CFAP61: variants seen among roughly 807,000 people sequenced by gnomAD.
The protein encoded by CFAP61 is cilia and flagella associated protein 61, also known as cilia- and flagella-associated protein 61.
CFAP61 carries 107 observed loss-of-function variants against 135.6 expected under a neutral mutation model. That is an observed-to-expected ratio of 0.79 (90% confidence interval 0.67 to 0.93). The LOEUF is 0.93. CFAP61 is among the 40% of genes least tolerant of loss of function. CFAP61 has a pLI of 0.00. For missense variants in CFAP61, 1,507 were observed against 1,556.2 expected (o/e 0.97, Z 0.53); for synonymous variants, 575 against 578.5 (o/e 0.99, Z 0.09).
At chr20:20,202,834 C>A (rs1374548225) in intron 17 of CFAP61, among the ~76,000 whole-genome samples, 1 of 152,124 alleles carries the variant, frequency 6.6e-6, no homozygotes, top group Non-Finnish European at 1.5e-5. Flanking sequence ...CATATCATTT[C>A]TCTTGCTGGC....
At chr20:20,229,984 G>A (rs541131665) in intron 18 of CFAP61, among the ~76,000 whole-genome samples, 14 of 152,092 alleles carry the variant, frequency 9.2e-5, no homozygotes, top group East Asian at 1.9e-4. Context: ...AACCATTTTC[G>A]AATGATGAAT....
intron 26 of CFAP61, among the ~76,000 whole-genome samples, chr20:20,343,830 C>T (rs1364236684): frequency 6.6e-6 from 1 of 152,178 alleles, no homozygotes; most frequent in Non-Finnish European, 1.5e-5. Flanking sequence ...TGGAAACTGT[C>T]AAGCCCAAGG....
intron 20 of CFAP61, 120 bp from the exon 21 acceptor site, chr20:20,262,836 A>T (rs530736087): frequency 2.9e-5 from 12 of 417,446 alleles, no homozygotes; most frequent in African/African-American, 4.3e-5. Flanking sequence ...AATCTGATTG[A>T]TTGTATCTCG....
At chr20:20,275,446 G>C (rs538412896) in intron 21 of CFAP61, among the ~76,000 whole-genome samples, 59 of 152,292 alleles carry the variant, frequency 3.9e-4, no homozygotes, top group Middle Eastern at 3.4e-3. Context: ...TTTGAAATCA[G>C]ATATTTTACA....
chr20:20,123,512 C>A (rs1351797191), intron 8 of CFAP61, among the ~76,000 whole-genome samples: 1 of 151,726 alleles, frequency 6.6e-6, no homozygotes, highest in Admixed American at 6.6e-5. Flanking sequence ...ATAAGGGTGT[C>A]CTTTCCCCAC....
intron 21 of CFAP61, among the ~76,000 whole-genome samples, chr20:20,264,221 T>C (rs1485651744): frequency 6.6e-6 from 1 of 152,182 alleles, no homozygotes; most frequent in Non-Finnish European, 1.5e-5. Flanking sequence ...GAGATTGACC[T>C]GTAGTTCTCT....
chr20:20,171,425 T>C (rs2054213141), intron 13 of CFAP61, among the ~76,000 whole-genome samples: 2 of 152,162 alleles, frequency 1.3e-5, no homozygotes, highest in African/African-American at 4.8e-5. Flanking sequence ...GTGTGTGAAT[T>C]TGGATGGAAA....
At chr20:20,165,902 G>C (rs1270273372) in intron 11 of CFAP61, among the ~76,000 whole-genome samples, 1 of 152,024 alleles carries the variant, frequency 6.6e-6, no homozygotes, top group East Asian at 1.9e-4. Flanking sequence ...TTCTATATTT[G>C]TTGCTTTATA....
At chr20:20,305,111 C>T (rs546158277) in intron 25 of CFAP61, among the ~76,000 whole-genome samples, 2 of 152,268 alleles carry the variant, frequency 1.3e-5, no homozygotes, top group South Asian at 2.1e-4. Context: ...CCCTCGCGCC[C>T]GCGCCACCAC....
chr20:20,166,938 G>A (rs756879072), intron 12 of CFAP61, among the ~76,000 whole-genome samples: 45 of 152,154 alleles, frequency 3.0e-4, no homozygotes, highest in Admixed American at 4.6e-4. Context: ...TAATATCCAA[G>A]TACAAATAAG....
At chr20:20,145,057 T>C (rs779249839) in intron 9 of CFAP61, among the ~76,000 whole-genome samples, 1 of 151,680 alleles carries the variant, frequency 6.6e-6, no homozygotes, top group Non-Finnish European at 1.5e-5. Flanking sequence ...AGAAGGAAAA[T>C]GGTATCAGAT....
chr20:20,259,489 T>C (rs914950360), intron 20 of CFAP61, among the ~76,000 whole-genome samples: 18 of 150,138 alleles, frequency 1.2e-4, no homozygotes, highest in African/African-American at 3.7e-4. Flanking sequence ...CCCAGGCTGG[T>C]CTCAAACTTC....
intron 21 of CFAP61, among the ~76,000 whole-genome samples, chr20:20,269,791 A>G (rs764489338): frequency 5.3e-5 from 8 of 152,214 alleles, no homozygotes; most frequent in Non-Finnish European, 1.2e-4. Context: ...CAGTTGGAGT[A>G]TATTTTAGTA....
intron 8 of CFAP61, among the ~76,000 whole-genome samples, chr20:20,101,386 G>T (rs2048007496): frequency 6.6e-6 from 1 of 152,078 alleles, no homozygotes; most frequent in South Asian, 2.1e-4. Flanking sequence ...CTTGGTGTAG[G>T]AGAGCTAGGG....
chr20:20,336,125 G>C (rs2058180577), intron 25 of CFAP61, among the ~76,000 whole-genome samples: 1 of 152,148 alleles, frequency 6.6e-6, no homozygotes, highest in Non-Finnish European at 1.5e-5. Flanking sequence ...CCAGCATGAA[G>C]CTATAATAGA....
intron 7 of CFAP61, among the ~76,000 whole-genome samples, chr20:20,096,764 C>T (rs2047608020): frequency 1.3e-5 from 2 of 152,200 alleles, no homozygotes; most frequent in South Asian, 2.1e-4. Context: ...TAGACAACTG[C>T]GGCTATGCAG....
chr20:20,065,680 G>A (rs534007830), intron 2 of CFAP61, among the ~76,000 whole-genome samples: 73 of 151,054 alleles, frequency 4.8e-4, no homozygotes, highest in African/African-American at 1.7e-3. Flanking sequence ...TTGACTGCCT[G>A]TTCAGTTACA....
chr20:20,177,336 G>GCATT (rs3060456), intron 13 of CFAP61, among the ~76,000 whole-genome samples: 137,117 of 151,894 alleles, frequency 0.9, 62,715 homozygotes, highest in Middle Eastern at 0.99. Flanking sequence ...AACTCAGAAT[G>GCATT]GCTTCCACTG....
intron 11 of CFAP61, 82 bp from the exon 12 acceptor site, chr20:20,166,315 G>C: frequency 8.7e-7 from 1 of 1,151,374 alleles, no homozygotes; most frequent in East Asian, 2.3e-5. Flanking sequence ...CCCGAGGGGA[G>C]GGAGCTGTAA....
Sources: allele counts gnomAD v4.1 joint callset (sites outside exome capture counted in the v4.1 genomes callset), GRCh38; gene constraint gnomAD v4.1.1; transcripts MANE v1.5; gene names NCBI Gene and HGNC (gene_info 2026-07-23, HGNC 2026-07-21).